The following PRKG1 variants were observed in gnomAD, a reference collection of about 807,000 sequenced individuals.
PRKG1 encodes the protein cGMP-dependent protein kinase 1.
In PRKG1, 35 loss-of-function variants were observed where a neutral mutation model predicts 88.1. The observed-to-expected ratio is 0.40, with a 90% CI of 0.30 to 0.53. The LOEUF is 0.53. Ranked by LOEUF, PRKG1 falls within the 20% of genes least tolerant of loss-of-function variation. The probability of loss-of-function intolerance (pLI) is 0.59; values close to 1 mark genes in which losing one functional copy is unlikely to be tolerated. For missense variants in PRKG1, 540 were observed against 839.8 expected (o/e 0.64, Z 4.41); for synonymous variants, 303 against 292.5 (o/e 1.04, Z -0.37).
intron 2 of PRKG1, among the ~76,000 whole-genome samples, chr10:51,253,002 A>G (rs1589281613): frequency 6.6e-6 from 1 of 151,950 alleles, no homozygotes; most frequent in Middle Eastern, 3.4e-3. Context: ...AACCATTCAT[A>G]ATTAAAATCA....
intron 3 of PRKG1, among the ~76,000 whole-genome samples, chr10:51,722,122 C>T (rs1416204343): frequency 1.3e-5 from 2 of 151,178 alleles, no homozygotes; most frequent in Admixed American, 6.6e-5. Flanking sequence ...CCCAGCTACT[C>T]GGGAGGCTGA....
At chr10:52,105,720 T>A (rs973780100) in intron 7 of PRKG1, among the ~76,000 whole-genome samples, 4 of 152,152 alleles carry the variant, frequency 2.6e-5, no homozygotes, top group African/African-American at 9.7e-5. Context: ...TATTTCATCA[T>A]CCAGGTATTA....
At chr10:51,951,278 A>G (rs1268931450) in intron 5 of PRKG1, among the ~76,000 whole-genome samples, 17 of 152,176 alleles carry the variant, frequency 1.1e-4, no homozygotes, top group Admixed American at 1.1e-3. Context: ...TTAGAAAAGG[A>G]TTCAGTGAAG....
intron 8 of PRKG1, among the ~76,000 whole-genome samples, chr10:52,134,930 C>G (rs957103041): frequency 6.6e-6 from 1 of 152,064 alleles, no homozygotes; most frequent in Non-Finnish European, 1.5e-5. Flanking sequence ...TATATTTTGT[C>G]TGGTTCCCAA....
At chr10:51,841,095 A>G (rs1840263712) in intron 4 of PRKG1, among the ~76,000 whole-genome samples, 1 of 152,244 alleles carries the variant, frequency 6.6e-6, no homozygotes, top group South Asian at 2.1e-4. Flanking sequence ...GTGATAGAAA[A>G]CTTATCTCTT....
At chr10:51,621,108 G>A (rs112838108) in intron 3 of PRKG1, among the ~76,000 whole-genome samples, 1 of 149,478 alleles carries the variant, frequency 6.7e-6, no homozygotes, top group Non-Finnish European at 1.5e-5. Context: ...GTGTGTGTGT[G>A]TATATATATG....
At position 51,602,732 on chromosome 10, in the gene PRKG1, ATGTGTGTGTGTG is replaced by A. The variant is rs4041278; in HGVS notation, c.592+134934_592+134945del. 8.6e-3 allele frequency among the ~76,000 whole-genome samples: 1,107 copies of A among 128,848 alleles called. 34 individuals carry two copies. The highest frequency in any genetic ancestry group is 0.03 in the African/African-American group (788 of 26,498). 84.5% of individuals were successfully genotyped at this position (128,848 alleles called of 152,430 possible). Reference sequence around the variant, plus strand: ...GCCTGGCTGGCTTTGATTAATATATATGTGTGTGTGTGTGTGTGTGTGTGTGTGTGTGTGTGT... The same window carrying A: ...GCCTGGCTGGCTTTGATTAATATATATGTGTGTGTGTGTGTGTGTGTGTGT... On this transcript the variant is annotated intron_variant, in intron 3 of 17. Coordinates refer to ENST00000373980, the MANE Select transcript of PRKG1 (RefSeq NM_006258.4).
intron 5 of PRKG1, among the ~76,000 whole-genome samples, chr10:52,044,280 A>G (rs1845815763): frequency 6.6e-6 from 1 of 152,132 alleles, no homozygotes; most frequent in South Asian, 2.1e-4. Context: ...ATAATGTGGG[A>G]AAGGTAAGGC....
At chr10:51,854,854 C>CA (rs1192472931) in intron 4 of PRKG1, among the ~76,000 whole-genome samples, 1 of 151,816 alleles carries the variant, frequency 6.6e-6, no homozygotes, top group African/African-American at 2.4e-5. Context: ...AAAAAATGTG[C>CA]AAAAAATATA....
chr10:52,030,700 A>G (rs2133208838), intron 5 of PRKG1, among the ~76,000 whole-genome samples: 1 of 152,320 alleles, frequency 6.6e-6, no homozygotes, highest in Middle Eastern at 3.4e-3. Context: ...CACATAGGAC[A>G]CGACCATGCT....
chr10:51,142,531 A>C (rs1185769968), intron 1 of PRKG1, among the ~76,000 whole-genome samples: 2 of 152,042 alleles, frequency 1.3e-5, no homozygotes, highest in Non-Finnish European at 2.9e-5. Flanking sequence ...AGACATAGAG[A>C]GAGAGAGAGA....
At chr10:51,218,300 G>A (rs1473326078) in intron 2 of PRKG1, among the ~76,000 whole-genome samples, 2 of 151,568 alleles carry the variant, frequency 1.3e-5, no homozygotes, top group Non-Finnish European at 2.9e-5. Context: ...TGGTGAAGTT[G>A]AAGTCACTAT....
intron 3 of PRKG1, among the ~76,000 whole-genome samples, chr10:51,705,767 T>C (rs777708702): frequency 2.6e-5 from 4 of 152,248 alleles, no homozygotes; most frequent in South Asian, 2.1e-4. Flanking sequence ...AGTGTGCCTA[T>C]GTCAACTAGC....
At chr10:52,233,606 C>T in intron 9 of PRKG1, among the ~76,000 whole-genome samples, 1 of 146,854 alleles carries the variant, frequency 6.8e-6, no homozygotes, top group South Asian at 2.4e-4. Context: ...CTTTTCAGAC[C>T]GGCTTAAAAA....
At chr10:51,630,083 C>T (rs888166773) in intron 3 of PRKG1, among the ~76,000 whole-genome samples, 8 of 152,142 alleles carry the variant, frequency 5.3e-5, no homozygotes, top group African/African-American at 9.7e-5. Flanking sequence ...AGTTTTGCAA[C>T]GCATTCTGTG....
At chr10:51,887,381 G>A (rs560889350) in intron 4 of PRKG1, among the ~76,000 whole-genome samples, 9 of 152,160 alleles carry the variant, frequency 5.9e-5, no homozygotes, top group Non-Finnish European at 7.3e-5. Flanking sequence ...GAACAGGAAG[G>A]TGCAGATATC....
intron 3 of PRKG1, among the ~76,000 whole-genome samples, chr10:51,749,322 G>C (rs1837658644): frequency 6.6e-6 from 1 of 152,154 alleles, no homozygotes; most frequent in Non-Finnish European, 1.5e-5. Context: ...TTTTCTTACA[G>C]TTCTGAAGCT....
intron 3 of PRKG1, among the ~76,000 whole-genome samples, chr10:51,722,635 G>T (rs533034932): frequency 6.6e-6 from 1 of 152,170 alleles, no homozygotes; most frequent in African/African-American, 2.4e-5. Context: ...GGCAAAGAAA[G>T]CATTTAAACC....
intron 2 of PRKG1, among the ~76,000 whole-genome samples, chr10:51,170,441 C>G (rs1048599482): frequency 8.0e-6 from 1 of 125,310 alleles, no homozygotes; most frequent in Non-Finnish European, 1.6e-5. Context: ...TGGGTATACA[C>G]ACACACACAC....
Sources: gnomAD v4.1 joint callset for allele counts (sites outside exome capture counted in the v4.1 genomes callset) on GRCh38, gnomAD v4.1.1 for gene constraint, MANE v1.5 for transcripts, NCBI Gene and HGNC (gene_info 2026-07-23, HGNC 2026-07-21) for gene names.